The following SLC35F1 variants were observed in gnomAD, a reference collection of about 807,000 sequenced individuals.
SLC35F1 encodes the protein chromosome 6 open reading frame 169.
Under a neutral mutation model 48.7 loss-of-function variants are expected in SLC35F1, and 14 were observed. The observed-to-expected ratio is 0.29, with a 90% CI of 0.19 to 0.45. The LOEUF (loss-of-function observed/expected upper bound fraction) is 0.45, where lower values mean the gene tolerates loss of function less well. Among genes scored for constraint, SLC35F1 ranks in the 20% least tolerant of loss-of-function variants. SLC35F1 has a pLI of 1.00. For missense variants in SLC35F1, 404 were observed against 500.0 expected (o/e 0.81, Z 1.83); for synonymous variants, 190 against 202.2 (o/e 0.94, Z 0.51).
At chr6:118,063,622 A>T (rs1772574300) in intron 1 of SLC35F1, among the ~76,000 whole-genome samples, 1 of 152,194 alleles carries the variant, frequency 6.6e-6, no homozygotes, top group Non-Finnish European at 1.5e-5. Flanking sequence ...TGGGCACTGC[A>T]TTCTCATACA....
intron 1 of SLC35F1, among the ~76,000 whole-genome samples, chr6:117,915,375 C>T (rs1775814364): frequency 6.6e-6 from 1 of 152,082 alleles, no homozygotes; most frequent in South Asian, 2.1e-4. Flanking sequence ...TGTGGTGATA[C>T]AGCTAAGTGC....
chr6:118,072,451 C>T (rs11963328), intron 1 of SLC35F1, among the ~76,000 whole-genome samples: 44,458 of 151,914 alleles, frequency 0.29, 7,237 homozygotes, highest in East Asian at 0.47. Flanking sequence ...GTAGTCCCAG[C>T]TACTCGGGAG....
intron 1 of SLC35F1, among the ~76,000 whole-genome samples, chr6:118,132,980 T>C (rs188303935): frequency 4.2e-3 from 637 of 152,246 alleles, no homozygotes; most frequent in Non-Finnish European, 4.9e-3. Context: ...GGAAAGGCAG[T>C]CCTTCCAGTG....
intron 7 of SLC35F1, among the ~76,000 whole-genome samples, chr6:118,287,454 T>A (rs1379137081): frequency 1.3e-5 from 2 of 152,246 alleles, no homozygotes; most frequent in East Asian, 3.8e-4. Context: ...TGCTGAGGGC[T>A]GCAGTCACTG....
chr6:118,087,044 G>A (rs1773001951), intron 1 of SLC35F1, among the ~76,000 whole-genome samples: 1 of 152,100 alleles, frequency 6.6e-6, no homozygotes, highest in Admixed American at 6.5e-5. Context: ...AAGGTGCTGG[G>A]GCCCTGTATT....
intron 3 of SLC35F1, among the ~76,000 whole-genome samples, chr6:118,244,479 G>A (rs1775482381): frequency 1.3e-5 from 2 of 152,252 alleles, no homozygotes; most frequent in African/African-American, 4.8e-5. Flanking sequence ...GCAGATTAAG[G>A]GGTGACTTAT....
At chr6:118,005,670 C>T (rs1562262184) in intron 1 of SLC35F1, among the ~76,000 whole-genome samples, 1 of 152,178 alleles carries the variant, frequency 6.6e-6, no homozygotes, top group Non-Finnish European at 1.5e-5. Context: ...CTTTTAGCAG[C>T]TTTCTGTTAC....
At chr6:118,088,365 C>G (rs1487752860) in intron 1 of SLC35F1, among the ~76,000 whole-genome samples, 1 of 152,116 alleles carries the variant, frequency 6.6e-6, no homozygotes, top group Non-Finnish European at 1.5e-5. Context: ...CAATGTGGGT[C>G]ACAGGGTTGC....
intron 3 of SLC35F1, among the ~76,000 whole-genome samples, chr6:118,258,643 A>G (rs73512505): frequency 0.043 from 6,482 of 152,136 alleles, 414 homozygotes; most frequent in African/African-American, 0.13. Flanking sequence ...TGCCTTAGAA[A>G]ACATTAAAAA....
chr6:118,209,914 A>G (rs561574457), intron 2 of SLC35F1, among the ~76,000 whole-genome samples: 1 of 152,326 alleles, frequency 6.6e-6, no homozygotes, highest in Non-Finnish European at 1.5e-5. Context: ...CTATATGACA[A>G]AAAGGAACAG....
chr6:118,045,612 G>A (rs764880075), intron 1 of SLC35F1, among the ~76,000 whole-genome samples: 4 of 152,154 alleles, frequency 2.6e-5, no homozygotes, highest in Non-Finnish European at 4.4e-5. Context: ...CGTGTCTTTG[G>A]GATTTACTGG....
chr6:118,040,519 G>A (rs1330572219), intron 1 of SLC35F1, among the ~76,000 whole-genome samples: 2 of 152,100 alleles, frequency 1.3e-5, no homozygotes, highest in Admixed American at 6.5e-5. Flanking sequence ...AACAGTGATA[G>A]GATAGCATGA....
intron 1 of SLC35F1, among the ~76,000 whole-genome samples, chr6:117,935,909 C>T (rs1776157310): frequency 6.6e-6 from 1 of 152,174 alleles, no homozygotes; most frequent in African/African-American, 2.4e-5. Flanking sequence ...AGCAAGTAAG[C>T]AACTTCACAG....
chr6:118,079,073 T>G (rs1021949612), intron 1 of SLC35F1, among the ~76,000 whole-genome samples: 9 of 152,236 alleles, frequency 5.9e-5, no homozygotes, highest in African/African-American at 1.9e-4. Context: ...TACAATTTTT[T>G]TGTGTGTGTA....
chr6:118,127,948 T>G (rs1241480955), intron 1 of SLC35F1, among the ~76,000 whole-genome samples: 1 of 151,968 alleles, frequency 6.6e-6, no homozygotes, highest in Non-Finnish European at 1.5e-5. Context: ...TACAAAGAAC[T>G]GAAACAAATT....
At chr6:118,074,718 C>T (rs1188769023) in intron 1 of SLC35F1, among the ~76,000 whole-genome samples, 1 of 152,208 alleles carries the variant, frequency 6.6e-6, no homozygotes, top group Non-Finnish European at 1.5e-5. Flanking sequence ...GGCATGATCA[C>T]AACTCACGGC....
At chr6:117,981,109 A>AAAAC in intron 1 of SLC35F1, among the ~76,000 whole-genome samples, 1 of 151,908 alleles carries the variant, frequency 6.6e-6, no homozygotes, top group Non-Finnish European at 1.5e-5. Context: ...TTCCATGTAA[A>AAAAC]AAGGGTATTT....
rs964254125 is a variant in SLC35F1 at position 117,915,799 on chromosome 6, T to C, written c.173+7900T>C. ...AAAAGGAGAAGGAAAAGACCAGAGTTTGGGGATCAGTTAGGAGGCTACTGC... is the reference window on the plus strand; with the variant it reads ...AAAAGGAGAAGGAAAAGACCAGAGTCTGGGGATCAGTTAGGAGGCTACTGC... On this transcript the variant is annotated intron_variant, in intron 1 of 7. Coordinates refer to ENST00000360388, the MANE Select transcript of SLC35F1 (RefSeq NM_001029858.4). Among the ~76,000 whole-genome samples, 5 of 151,952 alleles carry C rather than the reference T, an allele frequency of 3.3e-5. No individual in the cohort carries two copies. In the South Asian group the frequency reaches 8.3e-4, roughly 25 times the overall value.
chr6:118,226,518 T>G (rs1203698887), intron 2 of SLC35F1, among the ~76,000 whole-genome samples: 3 of 149,378 alleles, frequency 2.0e-5, no homozygotes, highest in African/African-American at 7.4e-5. Context: ...TGGAATATTA[T>G]TCAGCCACTA....
Sources: allele counts gnomAD v4.1 joint callset (sites outside exome capture counted in the v4.1 genomes callset), GRCh38; gene constraint gnomAD v4.1.1; transcripts MANE v1.5; gene names NCBI Gene and HGNC (gene_info 2026-07-23, HGNC 2026-07-21).